Variants in DTNA observed in about 807,000 individuals in gnomAD.
DTNA encodes the protein dystrophin-related protein 3.
DTNA carries 43 observed loss-of-function variants against 100.7 expected under a neutral mutation model. That is an observed-to-expected ratio of 0.43 (90% CI 0.33 to 0.55). The LOEUF is 0.55. DTNA is among the 20% of genes least tolerant of loss of function. The probability of loss-of-function intolerance (pLI) is 0.04; values close to 1 mark genes in which losing one functional copy is unlikely to be tolerated. For missense variants in DTNA, 798 were observed against 953.9 expected, an observed-to-expected ratio of 0.84 and a Z score of 2.15; for synonymous variants, 349 against 347.9, an observed-to-expected ratio of 1.00 and a Z score of -0.04.
At chr18:34,749,092 A>G (rs2092016705) in intron 1 of DTNA, among the ~76,000 whole-genome samples, 1 of 151,966 alleles carries the variant, frequency 6.6e-6, no homozygotes, top group Non-Finnish European at 1.5e-5. Flanking sequence ...TGTAAGAGGG[A>G]TTGAGTTCTG....
chr18:34,829,956 T>A (rs1435017804), intron 11 of DTNA, among the ~76,000 whole-genome samples: 1 of 152,180 alleles, frequency 6.6e-6, no homozygotes, highest in African/African-American at 2.4e-5. Context: ...TGGTCCATTT[T>A]CCCCCCAGGG....
At chr18:34,866,437 G>C in intron 17 of DTNA, 1 of 1,276,014 alleles carries the variant, frequency 7.8e-7, no homozygotes, top group Middle Eastern at 3.2e-4. Context: ...ACCAGTCTTA[G>C]CTTTTCAAGT....
At chr18:34,571,218 C>T (rs1228888727) in intron 1 of DTNA, among the ~76,000 whole-genome samples, 1 of 152,152 alleles carries the variant, frequency 6.6e-6, no homozygotes, top group Non-Finnish European at 1.5e-5. Context: ...CTGTACCCCA[C>T]TTATGATCAG....
At chr18:34,778,087 A>T (rs902174081) in intron 3 of DTNA, among the ~76,000 whole-genome samples, 2 of 152,216 alleles carry the variant, frequency 1.3e-5, no homozygotes, top group Non-Finnish European at 2.9e-5. Flanking sequence ...GTGAGGTTTT[A>T]CAGGGGCAGA....
Position 34,509,936 on chromosome 18 carries a change from C to T in DTNA, c.-2+16422C>T, listed in dbSNP as rs186964466. On this transcript the variant is annotated intron_variant, in intron 1 of 19. Coordinates refer to the DTNA transcript ENST00000283365. ...AAGGAGGAAAAACAACTGAAGTGAA[C>T]CCAAAGGAAATGGTATTCTATTACC... Among the ~76,000 whole-genome samples, 633 of 152,022 alleles carry T rather than the reference C, an allele frequency of 4.2e-3. 5 individuals are homozygous for T. Among genetic ancestry groups the T allele is most frequent in the African/African-American group, 0.014 (594 of 41,468 alleles).
At chr18:34,495,276 T>C (rs2039063245) in intron 1 of DTNA, among the ~76,000 whole-genome samples, 1 of 152,210 alleles carries the variant, frequency 6.6e-6, no homozygotes, top group African/African-American at 2.4e-5. Flanking sequence ...ACTAAAATTA[T>C]GGCAAATAAC....
Position 34,891,600 on chromosome 18 carries a change from G to A in DTNA, c.*3866G>A, listed in dbSNP as rs1169207421. ...TTTTTACCATTCTACTGTTTTATTA[G>A]CATCTGTGAGCATCTAATAGAAATA... On this transcript the variant is annotated 3_prime_UTR_variant, in exon 23 of 23. Coordinates refer to ENST00000444659, the MANE Select transcript of DTNA (RefSeq NM_001386795.1). The A allele has an allele frequency of 6.6e-6, 1 of 152,030 alleles. No individual in the cohort carries two copies. The highest frequency in any genetic ancestry group is 1.5e-5 in the Non-Finnish European group (1 of 68,016). 9.4% of individuals were successfully genotyped at this position (152,030 alleles called of 1,614,324 possible).
intron 13 of DTNA, among the ~76,000 whole-genome samples, chr18:34,839,774 A>G (rs1207370423): frequency 6.6e-6 from 1 of 152,168 alleles, no homozygotes; most frequent in Non-Finnish European, 1.5e-5. Flanking sequence ...AATGTTTCAA[A>G]CCTTTAGCAT....
intron 19 of DTNA, 68 bp from the exon 20 acceptor site, chr18:34,879,483 C>T (rs1314969187): frequency 6.6e-7 from 1 of 1,519,490 alleles, no homozygotes; most frequent in Non-Finnish European, 9.1e-7. Flanking sequence ...GTGAAGCCTA[C>T]TCCTTTATTT....
intron 20 of DTNA, among the ~76,000 whole-genome samples, chr18:34,881,060 CTCAGGAGT>C (rs1365650253): frequency 6.6e-6 from 1 of 152,168 alleles, no homozygotes; most frequent in African/African-American, 2.4e-5. Flanking sequence ...CAACATGTGA[CTCAGGAGT>C]TAGGGAAGGA....
chr18:34,646,065 C>T (rs188969504), intron 1 of DTNA, among the ~76,000 whole-genome samples: 1 of 152,188 alleles, frequency 6.6e-6, no homozygotes, highest in Admixed American at 6.5e-5. Context: ...TTTTATGGTT[C>T]AGTATTTTAA....
chr18:34,553,637 A>T (rs1489493766), intron 1 of DTNA, among the ~76,000 whole-genome samples: 2 of 152,154 alleles, frequency 1.3e-5, no homozygotes, highest in Non-Finnish European at 2.9e-5. Context: ...TAAATAGGGA[A>T]TCCTTTCCCT....
At chr18:34,642,404 A>C (rs2059372040) in intron 1 of DTNA, among the ~76,000 whole-genome samples, 1 of 152,130 alleles carries the variant, frequency 6.6e-6, no homozygotes, top group Non-Finnish European at 1.5e-5. Context: ...AAGGCTCTTG[A>C]ATGCCATCTT....
At chr18:34,599,915 C>T (rs1253672865) in intron 1 of DTNA, among the ~76,000 whole-genome samples, 20 of 152,122 alleles carry the variant, frequency 1.3e-4, no homozygotes, top group African/African-American at 4.8e-4. Context: ...TGACCTCAAG[C>T]GATCTGCTTG....
At chr18:34,546,848 T>A (rs2044838607) in intron 1 of DTNA, among the ~76,000 whole-genome samples, 1 of 152,030 alleles carries the variant, frequency 6.6e-6, no homozygotes, top group South Asian at 2.1e-4. Flanking sequence ...TAGCTGAGAT[T>A]ACATGTGTGT....
chr18:34,761,032 G>A (rs2093121550), intron 2 of DTNA, among the ~76,000 whole-genome samples: 1 of 151,828 alleles, frequency 6.6e-6, no homozygotes, highest in Admixed American at 6.6e-5. Context: ...AGCTACCTAA[G>A]GTAGCAATCA....
intron 1 of DTNA, among the ~76,000 whole-genome samples, chr18:34,586,774 A>C (rs2049180695): frequency 6.6e-6 from 1 of 152,172 alleles, no homozygotes; most frequent in African/African-American, 2.4e-5. Context: ...TATCACATAC[A>C]GTATATGCTG....
At chr18:34,689,613 G>T (rs1411792292) in intron 1 of DTNA, among the ~76,000 whole-genome samples, 3 of 152,194 alleles carry the variant, frequency 2.0e-5, no homozygotes, top group African/African-American at 7.2e-5. Context: ...CCATCAGGAG[G>T]CATGGGTGTC....
intron 4 of DTNA, among the ~76,000 whole-genome samples, chr18:34,805,693 G>T (rs2095342992): frequency 6.6e-6 from 1 of 151,694 alleles, no homozygotes; most frequent in Admixed American, 6.6e-5. Flanking sequence ...CATAAGCACA[G>T]TTGGCTTGTG....
Sources: gnomAD v4.1 joint callset for allele counts (sites outside exome capture counted in the v4.1 genomes callset) on GRCh38, gnomAD v4.1.1 for gene constraint, MANE v1.5 for transcripts, NCBI Gene and HGNC (gene_info 2026-07-23, HGNC 2026-07-21) for gene names.